The following CCDC88C variants were observed in gnomAD, a reference collection of about 807,000 sequenced individuals.
CCDC88C encodes the protein protein Daple.
A neutral mutation model predicts 198.8 loss-of-function variants in CCDC88C; 131 were observed. That is an observed-to-expected ratio of 0.66 (90% CI 0.57 to 0.76). The LOEUF is 0.76. Ranked by LOEUF, CCDC88C falls within the 30% of genes least tolerant of loss-of-function variation. CCDC88C has a pLI of 0.00. For missense variants in CCDC88C, 2,553 were observed against 2,631.6 expected (o/e 0.97, Z 0.65); for synonymous variants, 1,166 against 1,114.7 (o/e 1.05, Z -0.92).
At chr14:91,399,470 C>A (rs1418557527) in intron 3 of CCDC88C, among the ~76,000 whole-genome samples, 1 of 152,188 alleles carries the variant, frequency 6.6e-6, no homozygotes, top group Non-Finnish European at 1.5e-5. Context: ...TGCCACCTGC[C>A]AACCCCTCCC....
At chr14:91,311,669 C>A (rs925324532) in intron 15 of CCDC88C, among the ~76,000 whole-genome samples, 11 of 152,228 alleles carry the variant, frequency 7.2e-5, no homozygotes, top group Admixed American at 2.6e-4. Context: ...CTGGGCCACT[C>A]AGCTGCTGAA....
intron 3 of CCDC88C, among the ~76,000 whole-genome samples, chr14:91,397,466 ACACT>A (rs1885917104): frequency 6.6e-6 from 1 of 151,738 alleles, no homozygotes; most frequent in Non-Finnish European, 1.5e-5. Flanking sequence ...ACACACTCTC[ACACT>A]CACACACTCT....
chr14:91,292,533 C>T (rs1004136569), intron 23 of CCDC88C, among the ~76,000 whole-genome samples: 4 of 152,184 alleles, frequency 2.6e-5, no homozygotes, highest in African/African-American at 9.7e-5. Flanking sequence ...AGGTGGCACG[C>T]CAGCCCTAGA....
chr14:91,294,157 G>C lies in CCDC88C; in HGVS notation c.4112+16C>G, dbSNP rs377449555. On this transcript the variant is annotated intron_variant, in intron 23 of 29. Transcript: ENST00000389857. ...TGGTGAGGGTGCGGAGAGGGGTTCA[G>C]GGACTCCCTGCTTACATGTACTGCT... The C allele has an allele frequency of 1.2e-6, 2 of 1,613,416 alleles. No individual in the cohort carries two copies. Among genetic ancestry groups the C allele is most frequent in the Non-Finnish European group, 1.7e-6 (2 of 1,179,514 alleles).
intron 14 of CCDC88C, among the ~76,000 whole-genome samples, chr14:91,314,874 T>C (rs1234241203): frequency 6.6e-6 from 1 of 152,222 alleles, no homozygotes; most frequent in Non-Finnish European, 1.5e-5. Context: ...TGGTGGCTCA[T>C]GCCTGTAATC....
At chr14:91,275,638 C>T (rs1425051309) in intron 29 of CCDC88C, among the ~76,000 whole-genome samples, 1 of 151,570 alleles carries the variant, frequency 6.6e-6, no homozygotes, top group Non-Finnish European at 1.5e-5. Context: ...CCACCATGAC[C>T]CGGTTCATTT....
At chr14:91,384,267 A>ATC in intron 3 of CCDC88C, 6 of 327,532 alleles carry the variant, frequency 1.8e-5, no homozygotes, top group Non-Finnish European at 2.8e-5. Flanking sequence ...CGAGACCCCC[A>ATC]TCTCTCTTTT....
chr14:91,417,031 A>C, intron 1 of CCDC88C, 193 bp from the exon 2 acceptor site: 1 of 696,792 alleles, frequency 1.4e-6, no homozygotes, highest in Non-Finnish European at 2.6e-6. Context: ...GCGGGGCAAC[A>C]GACACGAGAC....
At chr14:91,336,345 C>T (rs959042019) in intron 10 of CCDC88C, among the ~76,000 whole-genome samples, 4 of 152,160 alleles carry the variant, frequency 2.6e-5, no homozygotes, top group Non-Finnish European at 2.9e-5. Context: ...GGAACGAACA[C>T]GGAGACGGGA....
rs1891448950 is a variant in CCDC88C at position 91,303,931 on chromosome 14, C to A, written c.3405G>T (p.Gln1135His). The A allele has an allele frequency of 1.9e-6, 3 of 1,611,156 alleles. No homozygotes were observed. The highest frequency in any genetic ancestry group is 1.7e-6 in the Non-Finnish European group (2 of 1,179,878). Residue 1135 changes from glutamine (Q) to histidine (H), a missense_variant, in exon 20 of 30, where the codon CAG (glutamine) becomes CAT (histidine). Transcript: ENST00000389857. ...TGTGGTGGTTCTGCAGCAGCGTGTA[C>A]TGCGCGGTGAGCGCTGCGCTCTGGG... is the stretch of plus-strand genomic sequence containing the variant. ...LSSQSAALTA[Q>H]YTLLQNHHTA...
intron 10 of CCDC88C, among the ~76,000 whole-genome samples, chr14:91,333,691 G>T (rs1482219362): frequency 6.6e-6 from 1 of 152,196 alleles, no homozygotes; most frequent in Admixed American, 6.5e-5. Flanking sequence ...TTTAAGGGGG[G>T]CAAGATGGCC....
rs780261751 is a variant in CCDC88C at position 91,381,546 on chromosome 14, CT to C, written c.271-21836del. On this transcript the variant is annotated intron_variant, in intron 3 of 29. Transcript: ENST00000389857. The surrounding 1 kb of genome is among the most constrained non-coding windows in gnomAD (Gnocchi z 4.2). The stretch of plus-strand genomic sequence containing the variant: ...AGACTGTCTTCCATTCAAGCCGGGC[CT>C]TTTGGCCGGGTGCGGTGGCTCATGC... 1.3e-5 allele frequency among the ~76,000 whole-genome samples: 2 copies of C among 152,220 alleles called. No homozygotes were observed. Among genetic ancestry groups the C allele is most frequent in the Non-Finnish European group, 2.9e-5 (2 of 68,034 alleles).
At chr14:91,357,568 G>T (rs911104706) in intron 4 of CCDC88C, among the ~76,000 whole-genome samples, 2 of 152,118 alleles carry the variant, frequency 1.3e-5, no homozygotes, top group African/African-American at 4.8e-5. Context: ...CAGGGCAGAC[G>T]GAGTGGCTGT....
chr14:91,407,171 C>T (rs571900001), intron 3 of CCDC88C, among the ~76,000 whole-genome samples: 5 of 152,178 alleles, frequency 3.3e-5, no homozygotes, highest in Admixed American at 3.3e-4. Flanking sequence ...CGTTCAGTTT[C>T]AAATTCATGT....
chr14:91,416,750 A>T lies in CCDC88C; in HGVS notation c.149T>A (p.Ile50Asn). ...GAAGGTAACTTACATTTGCAGCATA[A>T]TTTGGTTCAAAAAGATGCCGTCCAC... ...DLVDGIFLNQ[I>N]MLQIDPRPTN... The change falls in exon 2 of 30, where the codon ATT (isoleucine) becomes AAT (asparagine). Residue 50 changes from isoleucine to asparagine, a missense_variant. By Grantham distance (149) the Ile-to-Asn change is moderately radical. This residue lies in a region of CCDC88C where 1,260 missense variants were observed against 1,412.0 expected (regional missense o/e 0.89). Transcript: ENST00000389857. 6.2e-7 allele frequency: 1 copy of T among 1,609,904 alleles called. No homozygotes were observed. The highest frequency in any genetic ancestry group is 8.5e-7 in the Non-Finnish European group (1 of 1,176,460).
intron 3 of CCDC88C, among the ~76,000 whole-genome samples, chr14:91,360,727 G>A (rs758404314): frequency 6.6e-6 from 1 of 152,214 alleles, no homozygotes; most frequent in East Asian, 1.9e-4. Flanking sequence ...CCGCTCGTCT[G>A]GGTACAGGCT....
At chr14:91,285,918 G>T (rs1338524126) in intron 25 of CCDC88C, 8 of 834,082 alleles carry the variant, frequency 9.6e-6, no homozygotes, top group Non-Finnish European at 1.3e-5. Flanking sequence ...AATGACAAAT[G>T]AATCGAAATT....
At chr14:91,405,641 C>T (rs536333307) in intron 3 of CCDC88C, among the ~76,000 whole-genome samples, 40 of 152,326 alleles carry the variant, frequency 2.6e-4, no homozygotes, top group African/African-American at 9.4e-4. Context: ...GGAAATACTA[C>T]AAACGTTAAC....
intron 4 of CCDC88C, among the ~76,000 whole-genome samples, chr14:91,345,473 G>A (rs1893506583): frequency 6.6e-6 from 1 of 152,022 alleles, no homozygotes; most frequent in African/African-American, 2.4e-5. Flanking sequence ...TTACAGACGT[G>A]AGCAGCCGTG....
Sources: gnomAD v4.1 joint callset for allele counts (sites outside exome capture counted in the v4.1 genomes callset) on GRCh38, gnomAD v4.1.1 for gene constraint, gnomAD v4.1.1 regional missense constraint, Gnocchi (gnomAD v3.1) non-coding constraint, MANE v1.5 for transcripts, NCBI Gene and HGNC (gene_info 2026-07-23, HGNC 2026-07-21) for gene names.